Variants in GSE1 observed in about 807,000 individuals in gnomAD.
GSE1 encodes Gse1 coiled-coil protein, also known as genetic suppressor element 1.
Under a neutral mutation model 112.6 loss-of-function variants are expected in GSE1, and 32 were observed. The observed-to-expected ratio is 0.28, with a 90% confidence interval of 0.21 to 0.38. The LOEUF is 0.38. GSE1 is among the 10% of genes least tolerant of loss of function. The probability of loss-of-function intolerance (pLI) is 1.00; values close to 1 mark genes in which losing one functional copy is unlikely to be tolerated. For synonymous variants in GSE1, 1,115 were observed against 735.6 expected (o/e 1.52, Z -8.35); for missense variants, 2,348 against 1,699.2 (o/e 1.38, Z -6.71).
intron 1 of GSE1, among the ~76,000 whole-genome samples, chr16:85,558,989 C>A (rs1377391570): frequency 6.6e-6 from 1 of 152,150 alleles, no homozygotes; most frequent in Non-Finnish European, 1.5e-5. Context: ...TCCCGAGTAG[C>A]TGGTATTACA....
chr16:85,389,623 A>G (rs1325325665), intron 2 of GSE1, among the ~76,000 whole-genome samples: 1 of 152,056 alleles, frequency 6.6e-6, no homozygotes, highest in East Asian at 1.9e-4. Context: ...CCCTCCCACC[A>G]TTTGTCACTG....
chr16:85,658,272 G>T (rs1210019868), intron 8 of GSE1, among the ~76,000 whole-genome samples: 3 of 152,172 alleles, frequency 2.0e-5, no homozygotes. Flanking sequence ...TCACTCTGAA[G>T]GGCTGAGCTA....
At chr16:85,659,122 G>C (rs1230228666) in intron 8 of GSE1, among the ~76,000 whole-genome samples, 2 of 152,194 alleles carry the variant, frequency 1.3e-5, no homozygotes, top group African/African-American at 2.4e-5. Context: ...TTCTTCCTGT[G>C]GTTCCCTGTT....
At chr16:85,342,481 G>C (rs944067264) in intron 1 of GSE1, among the ~76,000 whole-genome samples, 1 of 152,118 alleles carries the variant, frequency 6.6e-6, no homozygotes, top group African/African-American at 2.4e-5. Context: ...GCTCATCTGC[G>C]GTGGCCCACG....
chr16:85,244,051 G>A (rs1329283590), intron 1 of GSE1, among the ~76,000 whole-genome samples: 5 of 152,180 alleles, frequency 3.3e-5, no homozygotes, highest in Non-Finnish European at 7.3e-5. Context: ...GCTTGAACCT[G>A]GGAGGCAGAG....
At chr16:85,233,120 A>C (rs117653739) in intron 1 of GSE1, among the ~76,000 whole-genome samples, 153 of 152,334 alleles carry the variant, frequency 1.0e-3, no homozygotes, top group South Asian at 4.3e-3. Context: ...TCTTGAATGA[A>C]ATGCAGAGGC....
chr16:85,355,424 A>C (rs985794832), intron 1 of GSE1, among the ~76,000 whole-genome samples: 3 of 152,126 alleles, frequency 2.0e-5, no homozygotes, highest in Non-Finnish European at 4.4e-5. Context: ...AGGGCTCTGA[A>C]GCCTCTGGCC....
chr16:85,434,366 G>A (rs2049195277), intron 2 of GSE1, among the ~76,000 whole-genome samples: 1 of 148,292 alleles, frequency 6.7e-6, no homozygotes, highest in Non-Finnish European at 1.5e-5. Flanking sequence ...TCCGCCTCCT[G>A]TATACCCGGT....
intron 11 of GSE1, chr16:85,664,566 GCGTGGAACAT>G (rs1490904277): frequency 3.8e-5 from 6 of 156,210 alleles, no homozygotes; most frequent in African/African-American, 1.4e-4. Flanking sequence ...GGGATCTGCT[GCGTGGAACAT>G]CGTGGGGTCA....
At chr16:85,478,919 C>CTT (rs1347543284) in intron 2 of GSE1, among the ~76,000 whole-genome samples, 2 of 45,512 alleles carry the variant, frequency 4.4e-5, no homozygotes, top group African/African-American at 2.6e-4. Context: ...TTCTTTCTTT[C>CTT]TTTCTTTCTC....
intron 2 of GSE1, among the ~76,000 whole-genome samples, chr16:85,458,450 C>T (rs970041526): frequency 2.0e-5 from 3 of 152,228 alleles, no homozygotes; most frequent in African/African-American, 7.2e-5. Context: ...GCAGACACTG[C>T]CCTAGCAGGA....
At chr16:85,377,422 T>C (rs1039494124) in intron 2 of GSE1, among the ~76,000 whole-genome samples, 14 of 152,176 alleles carry the variant, frequency 9.2e-5, no homozygotes, top group South Asian at 8.3e-4. Context: ...CTCAGATCCC[T>C]GGGGAAAGAG....
At chr16:85,632,539 C>T (rs988241418) in intron 1 of GSE1, among the ~76,000 whole-genome samples, 1 of 152,170 alleles carries the variant, frequency 6.6e-6, no homozygotes, top group Non-Finnish European at 1.5e-5. Context: ...TTGAGGGGGT[C>T]CTCTCCACGC....
chr16:85,572,076 A>AC (rs950353101), intron 1 of GSE1, among the ~76,000 whole-genome samples: 5 of 147,688 alleles, frequency 3.4e-5, no homozygotes, highest in African/African-American at 5.0e-5. Flanking sequence ...ACACAACCAC[A>AC]CCCCCCCACA....
At chr16:85,457,710 C>T (rs999914709) in intron 2 of GSE1, among the ~76,000 whole-genome samples, 2 of 152,234 alleles carry the variant, frequency 1.3e-5, no homozygotes, top group African/African-American at 4.8e-5. Context: ...ACCCTCTGTC[C>T]TACGGGCATC....
At chr16:85,304,916 C>G (rs913443694) in intron 1 of GSE1, among the ~76,000 whole-genome samples, 1 of 152,194 alleles carries the variant, frequency 6.6e-6, no homozygotes, top group Non-Finnish European at 1.5e-5. Context: ...ATGAAGATAG[C>G]CCAGCACTGA....
chr16:85,452,004 C>A (rs1269010599), intron 2 of GSE1, among the ~76,000 whole-genome samples: 1 of 152,042 alleles, frequency 6.6e-6, no homozygotes, highest in Admixed American at 6.5e-5. Context: ...GAGACTGGGT[C>A]CATGTGCTGT....
chr16:85,413,302 T>C (rs1380170674), intron 2 of GSE1, among the ~76,000 whole-genome samples: 1 of 152,106 alleles, frequency 6.6e-6, no homozygotes, highest in Non-Finnish European at 1.5e-5. Flanking sequence ...AGCCAAGAGC[T>C]GAGTAGCTTT....
intron 2 of GSE1, among the ~76,000 whole-genome samples, chr16:85,463,914 C>G (rs2050051124): frequency 6.6e-6 from 1 of 152,170 alleles, no homozygotes; most frequent in Admixed American, 6.5e-5. Context: ...GGAGAGAAGC[C>G]TTCCATGAAC....
Sources: allele counts gnomAD v4.1 joint callset (sites outside exome capture counted in the v4.1 genomes callset), GRCh38; gene constraint gnomAD v4.1.1; transcripts MANE v1.5; gene names NCBI Gene and HGNC (gene_info 2026-07-23, HGNC 2026-07-21).